Variants in DAB1 observed in about 807,000 individuals in gnomAD.
DAB1 encodes DAB adaptor protein 1.
A neutral mutation model predicts 64.6 loss-of-function variants in DAB1; 15 were observed. The ratio of observed to expected loss-of-function variants is 0.23; its 90% CI spans 0.16 to 0.36. DAB1 has a LOEUF of 0.36. Among genes scored for constraint, DAB1 ranks in the 10% least tolerant of loss-of-function variants. DAB1 has a pLI of 1.00. For missense variants in DAB1, 596 were observed against 706.7 expected, an observed-to-expected ratio of 0.84 and a Z score of 1.78; for synonymous variants, 235 against 251.9, an observed-to-expected ratio of 0.93 and a Z score of 0.64.
chr1:57,816,721 T>C lies in DAB1; in HGVS notation n.551+67278A>G, dbSNP rs180991898. Reference sequence around the variant, plus strand: ...TCACTTTTATAAAAGCCTTCTTCACTCATCCACTTCTTCTGAAAATGATCA... The same window carrying C: ...TCACTTTTATAAAAGCCTTCTTCACCCATCCACTTCTTCTGAAAATGATCA... On this transcript the variant is annotated intron_variant and non_coding_transcript_variant, in intron 6 of 20. Coordinates refer to the DAB1 transcript ENST00000485760. Among the ~76,000 whole-genome samples, 63 of 152,326 alleles carry C rather than the reference T, an allele frequency of 4.1e-4. 1 individual carries two copies. The East Asian group carries it at 0.012, about 28-fold the overall frequency.
intron 1 of DAB1, among the ~76,000 whole-genome samples, chr1:57,329,623 C>T (rs1676476143): frequency 6.8e-6 from 1 of 146,844 alleles, no homozygotes; most frequent in African/African-American, 2.5e-5. Flanking sequence ...TTCATTAATT[C>T]CAGAATGTTC....
chr1:57,895,079 T>TA lies in DAB1; in HGVS notation n.388-10918dup, dbSNP rs79448436. On this transcript the variant is annotated intron_variant and non_coding_transcript_variant, in intron 5 of 20. Transcript: ENST00000485760. The stretch of plus-strand genomic sequence containing the variant: ...AAATGCACAGTAGCCCTTTGAAAGC[T>TA]AAAAAAAAAAAAAGTAGATAGTGAA... Among the ~76,000 whole-genome samples, 281 of 141,138 alleles carry TA rather than the reference T, an allele frequency of 2.0e-3. 2 individuals are homozygous for TA. Among genetic ancestry groups the TA allele is most frequent in the East Asian group, 0.019 (91 of 4,896 alleles). The allele number at this position is 141,138 out of a possible 152,430, so 92.6% of individuals were successfully genotyped here. A position where few individuals can be genotyped will look rare whatever the true frequency, so the allele number is the denominator to read the frequency against.
intron 7 of DAB1, among the ~76,000 whole-genome samples, chr1:57,530,228 A>G (rs1644645460): frequency 6.6e-6 from 1 of 152,198 alleles, no homozygotes; most frequent in Admixed American, 6.5e-5. Context: ...TCTCATTGCT[A>G]TCTTTGATAT....
chr1:57,290,545 G>C (rs1054333410), intron 2 of DAB1, among the ~76,000 whole-genome samples: 21 of 152,176 alleles, frequency 1.4e-4, no homozygotes, highest in Non-Finnish European at 2.6e-4. Context: ...ATGGGGAAGG[G>C]GGGTGGTTAG....
intron 7 of DAB1, chr1:57,606,074 C>T: frequency 1.8e-6 from 1 of 554,146 alleles, no homozygotes; most frequent in Admixed American, 2.1e-5. Context: ...ATATTCTTTT[C>T]CTTTGCTCCT....
intron 5 of DAB1, among the ~76,000 whole-genome samples, chr1:58,056,686 T>C (rs888166229): frequency 2.6e-5 from 4 of 152,140 alleles, no homozygotes; most frequent in African/African-American, 9.7e-5. Flanking sequence ...ATGCTATCCA[T>C]GTGGACTACA....
intron 2 of DAB1, among the ~76,000 whole-genome samples, chr1:57,222,021 G>T (rs1187988761): frequency 6.6e-6 from 1 of 152,044 alleles, no homozygotes; most frequent in African/African-American, 2.4e-5. Flanking sequence ...CTTTCCAAGG[G>T]CCAGGCACTG....
At chr1:58,446,034 A>G (rs572946203) in intron 3 of DAB1, among the ~76,000 whole-genome samples, 3 of 152,340 alleles carry the variant, frequency 2.0e-5, no homozygotes, top group African/African-American at 7.2e-5. Context: ...CACCCATCAC[A>G]GGACATCCCC....
intron 1 of DAB1, among the ~76,000 whole-genome samples, chr1:57,865,844 A>G (rs1654275941): frequency 6.6e-6 from 1 of 152,226 alleles, no homozygotes; most frequent in Non-Finnish European, 1.5e-5. Context: ...TGCTACAACA[A>G]AATGCCATAT....
chr1:57,758,208 CT>C (rs1648907541), intron 6 of DAB1, among the ~76,000 whole-genome samples: 1 of 152,198 alleles, frequency 6.6e-6, no homozygotes, highest in African/African-American at 2.4e-5. Context: ...GCACTAGGTA[CT>C]TTTAATACAT....
chr1:57,575,088 G>T (rs1645235251), intron 7 of DAB1, among the ~76,000 whole-genome samples: 1 of 152,174 alleles, frequency 6.6e-6, no homozygotes, highest in African/African-American at 2.4e-5. Flanking sequence ...TACAAGCCTG[G>T]CAGAGAACAG....
chr1:58,535,022 A>G (rs1646494703), intron 1 of DAB1, among the ~76,000 whole-genome samples: 2 of 152,210 alleles, frequency 1.3e-5, no homozygotes, highest in South Asian at 2.1e-4. Flanking sequence ...TTCACAATGC[A>G]TTGAACAGAA....
chr1:57,575,004 T>C (rs1645234418), intron 7 of DAB1, among the ~76,000 whole-genome samples: 1 of 152,212 alleles, frequency 6.6e-6, no homozygotes, highest in Non-Finnish European at 1.5e-5. Context: ...TTAGAGGTTG[T>C]TGTTAACCTT....
intron 3 of DAB1, among the ~76,000 whole-genome samples, chr1:58,452,692 G>A (rs1156689497): frequency 6.6e-6 from 1 of 151,004 alleles, no homozygotes; most frequent in South Asian, 2.1e-4. Context: ...TGGGCATGAT[G>A]GTGGGTGCCT....
intron 9 of DAB1, among the ~76,000 whole-genome samples, chr1:57,043,157 C>T (rs532827564): frequency 5.9e-5 from 9 of 152,266 alleles, no homozygotes; most frequent in East Asian, 1.9e-4. Context: ...AGATAGTCTT[C>T]GCTACTGAAA....
At chr1:57,583,434 G>T (rs769378128) in intron 7 of DAB1, among the ~76,000 whole-genome samples, 1 of 151,702 alleles carries the variant, frequency 6.6e-6, no homozygotes, top group Non-Finnish European at 1.5e-5. Flanking sequence ...CTACACGCGC[G>T]CGCCAATATG....
chr1:58,176,068 C>T (rs1269257742), intron 4 of DAB1, among the ~76,000 whole-genome samples: 1 of 152,188 alleles, frequency 6.6e-6, no homozygotes, highest in Non-Finnish European at 1.5e-5. Flanking sequence ...ATCACTCTCT[C>T]CAGACAGACC....
chr1:57,430,609 C>G (rs1210801907), intron 7 of DAB1, among the ~76,000 whole-genome samples: 2 of 152,000 alleles, frequency 1.3e-5, no homozygotes, highest in Non-Finnish European at 2.9e-5. Context: ...GATCTCCTGA[C>G]CTCGTGATCC....
chr1:57,459,872 A>G (rs1686724134), intron 7 of DAB1, among the ~76,000 whole-genome samples: 1 of 152,150 alleles, frequency 6.6e-6, no homozygotes, highest in African/African-American at 2.4e-5. Flanking sequence ...AGGGAAGTGG[A>G]ATTTGTTTCA....
Sources: gnomAD v4.1 joint callset for allele counts (sites outside exome capture counted in the v4.1 genomes callset) on GRCh38, gnomAD v4.1.1 for gene constraint, MANE v1.5 for transcripts, NCBI Gene and HGNC (gene_info 2026-07-23, HGNC 2026-07-21) for gene names.